The following TCERG1L variants were observed in gnomAD, a reference collection of about 807,000 sequenced individuals.
TCERG1L encodes transcription elongation regulator 1-like protein.
Under a neutral mutation model 56.3 loss-of-function variants are expected in TCERG1L, and 37 were observed. That is an observed-to-expected ratio of 0.66 (90% CI 0.51 to 0.87). The LOEUF (loss-of-function observed/expected upper bound fraction) is 0.87. TCERG1L is among the 40% of genes least tolerant of loss of function. The pLI, the probability that TCERG1L is intolerant of heterozygous loss-of-function variation, is 0.00. For synonymous variants in TCERG1L, 324 were observed against 326.3 expected, an observed-to-expected ratio of 0.99 and a Z score of 0.08; for missense variants, 799 against 774.2, an observed-to-expected ratio of 1.03 and a Z score of -0.38.
At chr10:131,219,879 G>A (rs927089251) in intron 4 of TCERG1L, among the ~76,000 whole-genome samples, 2 of 152,188 alleles carry the variant, frequency 1.3e-5, no homozygotes, top group Non-Finnish European at 2.9e-5. Flanking sequence ...AGGCTGTAGT[G>A]GAAAGAGGCT....
intron 4 of TCERG1L, among the ~76,000 whole-genome samples, chr10:131,242,836 T>C (rs1293595046): frequency 6.6e-6 from 1 of 152,158 alleles, no homozygotes; most frequent in African/African-American, 2.4e-5. Flanking sequence ...AGGATCAGTC[T>C]AGGAACAAAA....
intron 3 of TCERG1L, among the ~76,000 whole-genome samples, chr10:131,277,546 G>A (rs571960083): frequency 3.2e-4 from 49 of 152,338 alleles, no homozygotes; most frequent in Admixed American, 2.7e-3. Context: ...GCTTAATGAC[G>A]TTTTTGGAAC....
chr10:131,143,017 G>A (rs1845755415), intron 7 of TCERG1L, among the ~76,000 whole-genome samples: 1 of 152,114 alleles, frequency 6.6e-6, no homozygotes, highest in African/African-American at 2.4e-5. Context: ...TGGACGAGGG[G>A]GCCAGGAGTC....
Position 131,142,120 on chromosome 10 carries a change from A to T in TCERG1L, c.1189+4386T>A, listed in dbSNP as rs191835499. Among the ~76,000 whole-genome samples, 527 of 152,334 alleles carry T rather than the reference A, an allele frequency of 3.5e-3. 4 individuals are homozygous for T. The highest frequency in any genetic ancestry group is 0.012 in the African/African-American group (499 of 41,580). On this transcript the variant is annotated intron_variant, in intron 7 of 11. Transcript: ENST00000368642. ...GCTTAGCAAACAAGCCACCTGGATC[A>T]TTCATTGTGCAAAGAGGCGGCTCAG...
intron 4 of TCERG1L, among the ~76,000 whole-genome samples, chr10:131,169,808 G>C (rs979319342): frequency 1.3e-5 from 2 of 152,150 alleles, no homozygotes; most frequent in South Asian, 2.1e-4. Flanking sequence ...AACTGTGTTA[G>C]GAACACTGGC....
At chr10:131,233,552 A>C (rs1845877409) in intron 4 of TCERG1L, among the ~76,000 whole-genome samples, 4 of 152,052 alleles carry the variant, frequency 2.6e-5, no homozygotes, top group Admixed American at 2.6e-4. Context: ...TTTCATTTCT[A>C]CAGTTTACTA....
At chr10:131,207,996 C>A (rs1486149346) in intron 4 of TCERG1L, among the ~76,000 whole-genome samples, 1 of 152,150 alleles carries the variant, frequency 6.6e-6, no homozygotes, top group Non-Finnish European at 1.5e-5. Flanking sequence ...ACTCCACTTC[C>A]ACAATGAGCC....
intron 3 of TCERG1L, among the ~76,000 whole-genome samples, chr10:131,285,508 G>GA (rs1381249167): frequency 3.4e-4 from 6 of 17,798 alleles, no homozygotes; most frequent in Admixed American, 7.5e-4. Context: ...AAGAAAGAAA[G>GA]AAAGAAAGAA....
chr10:131,197,331 G>A (rs570277330), intron 4 of TCERG1L, among the ~76,000 whole-genome samples: 175 of 152,046 alleles, frequency 1.2e-3, no homozygotes, highest in Non-Finnish European at 1.8e-3. Flanking sequence ...ACAGGCGCCC[G>A]CCACCATGCC....
intron 3 of TCERG1L, among the ~76,000 whole-genome samples, chr10:131,261,494 G>A (rs1319714251): frequency 2.0e-5 from 3 of 152,250 alleles, no homozygotes; most frequent in African/African-American, 7.2e-5. Flanking sequence ...GGTGCGCTGT[G>A]CACAGGACGG....
intron 3 of TCERG1L, among the ~76,000 whole-genome samples, chr10:131,274,865 C>T (rs1053305135): frequency 6.6e-6 from 1 of 152,344 alleles, no homozygotes; most frequent in Middle Eastern, 3.4e-3. Context: ...TGCCTGCCTC[C>T]ATCCACAATC....
chr10:131,293,689 A>C (rs1191820148), intron 3 of TCERG1L, among the ~76,000 whole-genome samples: 1 of 152,142 alleles, frequency 6.6e-6, no homozygotes, highest in Non-Finnish European at 1.5e-5. Flanking sequence ...TCCTGACCGA[A>C]ATCCACCAGA....
chr10:131,141,757 A>G (rs1845741209), intron 7 of TCERG1L, among the ~76,000 whole-genome samples: 1 of 152,004 alleles, frequency 6.6e-6, no homozygotes, highest in Non-Finnish European at 1.5e-5. Flanking sequence ...AACTACTCCG[A>G]AAAACGCTAT....
At chr10:131,253,608 T>C (rs923747695) in intron 4 of TCERG1L, among the ~76,000 whole-genome samples, 1 of 152,182 alleles carries the variant, frequency 6.6e-6, no homozygotes. Flanking sequence ...GCTTCCTGAC[T>C]GTGTTTGTCT....
intron 4 of TCERG1L, among the ~76,000 whole-genome samples, chr10:131,199,811 C>T (rs1294004458): frequency 6.6e-6 from 1 of 152,156 alleles, no homozygotes; most frequent in Non-Finnish European, 1.5e-5. Flanking sequence ...GTGGGAAATC[C>T]CACCCGACAG....
rs185112222 is a variant in TCERG1L at position 131,104,411 on chromosome 10, G to T, written c.1396-57C>A. Reference sequence around the variant, plus strand: ...AGCGTCTAATGCTAAGCCTGAAGCCGCCCTGAAATGATCCACAGTTAAAAA... The same window carrying T: ...AGCGTCTAATGCTAAGCCTGAAGCCTCCCTGAAATGATCCACAGTTAAAAA... On this transcript the variant is annotated intron_variant, in intron 9 of 11. Transcript: ENST00000368642. 10 of 1,155,678 alleles carry T rather than the reference G, an allele frequency of 8.7e-6. No individual in the cohort carries two copies. The African/African-American group carries it at 1.1e-4, about 12-fold the overall frequency. 71.6% of individuals were successfully genotyped at this position (1,155,678 alleles called of 1,614,324 possible).
At position 131,253,929 on chromosome 10, in the gene TCERG1L, C is replaced by A. The variant is rs916333347; in HGVS notation, c.856+6330G>T. 4.6e-5 allele frequency among the ~76,000 whole-genome samples: 7 copies of A among 152,162 alleles called. No homozygotes were observed. The South Asian group carries it at 1.0e-3, about 23-fold the overall frequency. On this transcript the variant is annotated intron_variant, in intron 4 of 11. Coordinates refer to ENST00000368642, the MANE Select transcript of TCERG1L (RefSeq NM_174937.4). Reference sequence around the variant, plus strand: ...GAGAAGATAGGCCAGGAATTGACACCGAAGAGAATTGCCGGCGATGATAAA... The same window carrying A: ...GAGAAGATAGGCCAGGAATTGACACAGAAGAGAATTGCCGGCGATGATAAA...
chr10:131,169,003 G>T (rs918373630), intron 4 of TCERG1L, among the ~76,000 whole-genome samples: 6 of 152,174 alleles, frequency 3.9e-5, no homozygotes, highest in Non-Finnish European at 7.3e-5. Flanking sequence ...CCTGAGTCAA[G>T]AAAAGATTTC....
In TCERG1L at chr10:131,221,500, G is replaced by A. The variant is rs181126388; in HGVS notation, c.856+38759C>T. Among the ~76,000 whole-genome samples, 304 of 152,314 alleles carry A rather than the reference G, an allele frequency of 2.0e-3. 1 individual carries two copies. Among genetic ancestry groups the A allele is most frequent in the Non-Finnish European group, 3.7e-3 (249 of 68,034 alleles). On this transcript the variant is annotated intron_variant, in intron 4 of 11. Coordinates refer to ENST00000368642, the MANE Select transcript of TCERG1L (RefSeq NM_174937.4). Reference sequence around the variant, plus strand: ...ATTAGAAGGCAGCGAGGAAAGCGGCGGTCTTCTAACTGTGCCATGAGGCTC... The same window carrying A: ...ATTAGAAGGCAGCGAGGAAAGCGGCAGTCTTCTAACTGTGCCATGAGGCTC...
Sources: allele counts gnomAD v4.1 joint callset (sites outside exome capture counted in the v4.1 genomes callset), GRCh38; gene constraint gnomAD v4.1.1; transcripts MANE v1.5; gene names NCBI Gene and HGNC (gene_info 2026-07-23, HGNC 2026-07-21).